ZFP69B: variants seen among roughly 807,000 people sequenced by gnomAD.
The protein encoded by ZFP69B is zinc finger protein 69 homolog B.
Under a neutral mutation model 19.7 loss-of-function variants are expected in ZFP69B, and 20 were observed. That is an observed-to-expected ratio of 1.02 (90% CI 0.71 to 1.48). The LOEUF (loss-of-function observed/expected upper bound fraction) is 1.48. ZFP69B is among the 40% of genes most tolerant of loss of function. The pLI is 0.00. For synonymous variants in ZFP69B, 220 were observed against 222.7 expected, an observed-to-expected ratio of 0.99 and a Z score of 0.11; for missense variants, 583 against 632.6, an observed-to-expected ratio of 0.92 and a Z score of 0.84.
chr1:40,452,041 C>T (rs1021072393), intron 1 of ZFP69B, among the ~76,000 whole-genome samples: 3 of 152,132 alleles, frequency 2.0e-5, no homozygotes, highest in Admixed American at 6.6e-5. Flanking sequence ...ACGAGAATCG[C>T]TTGAACTAGG....
intron 1 of ZFP69B, among the ~76,000 whole-genome samples, chr1:40,452,707 T>C (rs1645196662): frequency 1.3e-5 from 2 of 152,222 alleles, no homozygotes; most frequent in Non-Finnish European, 2.9e-5. Context: ...ATTTAGATGA[T>C]ACTATGGAAT....
intron 4 of ZFP69B, among the ~76,000 whole-genome samples, chr1:40,459,550 G>A (rs1645263460): frequency 6.6e-6 from 1 of 152,074 alleles, no homozygotes; most frequent in Admixed American, 6.5e-5. Flanking sequence ...CATTTCTACT[G>A]TTCATCTGTG....
chr1:40,453,427 G>A (rs1645203920), intron 1 of ZFP69B, among the ~76,000 whole-genome samples: 1 of 147,178 alleles, frequency 6.8e-6, no homozygotes. Flanking sequence ...ATTATAAAAA[G>A]CAACCTGAGA....
At chr1:40,456,839 G>A in intron 2 of ZFP69B, 106 bp from the exon 3 acceptor site, 3 of 1,414,902 alleles carry the variant, frequency 2.1e-6, no homozygotes, top group Admixed American at 2.1e-5. Context: ...TAAATGATTA[G>A]CAAGACAGTA....
rs756518972 is a variant in ZFP69B, at chr1:40,457,399, AT to A, written c.397del (p.Trp133GlyfsTer2). 1.2e-6 allele frequency: 2 copies of A among 1,614,190 alleles called. No homozygotes were observed. Among genetic ancestry groups the A allele is most frequent in the Non-Finnish European group, 1.7e-6 (2 of 1,180,024 alleles). On this transcript the variant is annotated frameshift_variant, in exon 4 of 5. Coordinates refer to ENST00000361584, the MANE Select transcript of ZFP69B (RefSeq NM_023070.3). LOFTEE classifies it low-confidence loss of function (END_TRUNC). The part of the protein sequence containing the change: ...ISQLEKGEEP[W>X]LMERDISGVP... ...CCCAGTTGGAGAAAGGAGAAGAACC[AT>A]GGCTGATGGAGAGAGATATTTCAGG...
intron 4 of ZFP69B, among the ~76,000 whole-genome samples, chr1:40,457,973 C>T (rs562681268): frequency 2.0e-5 from 3 of 152,312 alleles, no homozygotes; most frequent in East Asian, 3.9e-4. Flanking sequence ...CCACAGAATT[C>T]GTTCTTAGCA....
At chr1:40,457,193 AC>A in intron 3 of ZFP69B, 122 bp downstream of exon 3, 1 of 1,524,206 alleles carries the variant, frequency 6.6e-7, no homozygotes, top group Non-Finnish European at 9.0e-7. Context: ...CCTTCTGAAC[AC>A]CCAGTCAGGA....
At chr1:40,451,865 A>G (rs1189540162) in intron 1 of ZFP69B, among the ~76,000 whole-genome samples, 1 of 152,098 alleles carries the variant, frequency 6.6e-6, no homozygotes, top group African/African-American at 2.4e-5. Context: ...AATCCCAGCA[A>G]TTTGGGAAGC....
chr1:40,450,952 G>C lies in ZFP69B; in HGVS notation c.-10G>C, dbSNP rs766634396. On this transcript the variant is annotated 5_prime_UTR_variant, in exon 1 of 5. Transcript: ENST00000361584. Reference sequence around the variant, plus strand: ...ACAGAGGGTCCTCAGAAAGGAGTGCGGACGCCGTCATGCTGCAGCAGCTCC... The same window carrying C: ...ACAGAGGGTCCTCAGAAAGGAGTGCCGACGCCGTCATGCTGCAGCAGCTCC... 1.9e-6 allele frequency: 3 copies of C among 1,543,500 alleles called. No homozygotes were observed. In the South Asian group the frequency reaches 3.6e-5, roughly 19 times the overall value.
In ZFP69B at chr1:40,462,900, C is replaced by G; in HGVS notation, c.916C>G (p.Pro306Ala). The G allele has an allele frequency of 1.2e-6, 2 of 1,614,148 alleles. No individual in the cohort carries two copies. The highest frequency in any genetic ancestry group is 1.7e-6 in the Non-Finnish European group (2 of 1,180,028). The change falls in exon 5 of 5, where the codon CCT (proline) becomes GCT (alanine). Residue 306 changes from proline (P) to alanine (A), a missense_variant. Pro to Ala is a conservative substitution (Grantham distance 27, BLOSUM62 -1). Transcript: ENST00000361584. ...CATGAGAATTCATACCGGGGAGAAACCTTTCAGATGTAAGGAATGTGGAAA... is the reference window on the plus strand; with the variant it reads ...CATGAGAATTCATACCGGGGAGAAAGCTTTCAGATGTAAGGAATGTGGAAA... ...EHMRIHTGEK[P>A]FRCKECGKAF...
chr1:40,458,788 A>G (rs945748859), intron 4 of ZFP69B, among the ~76,000 whole-genome samples: 24 of 152,102 alleles, frequency 1.6e-4, no homozygotes, highest in Admixed American at 1.6e-3. Context: ...CTAAAGTGCT[A>G]GGATTACAGG....
At chr1:40,454,839 T>A (rs947620387) in intron 2 of ZFP69B, among the ~76,000 whole-genome samples, 6 of 152,192 alleles carry the variant, frequency 3.9e-5, no homozygotes, top group African/African-American at 1.4e-4. Flanking sequence ...ACAAATACAT[T>A]GTGCTGAGGC....
At position 40,450,500 on chromosome 1, in the gene ZFP69B, A is replaced by T. The variant is rs1645174985; in HGVS notation, c.-462A>T. 6.6e-6 allele frequency among the ~76,000 whole-genome samples: 1 copy of T among 152,046 alleles called. No homozygotes were observed. The highest frequency in any genetic ancestry group is 1.5e-5 in the Non-Finnish European group (1 of 67,998). On this transcript the variant is annotated 5_prime_UTR_variant, in exon 1 of 5. Transcript: ENST00000361584. ...TGTATTCGTCTCTTTGTGCTTCCTGACATGTGCGCGGTGCTTTGAATTTTG... is the reference window on the plus strand; with the variant it reads ...TGTATTCGTCTCTTTGTGCTTCCTGTCATGTGCGCGGTGCTTTGAATTTTG...
At chr1:40,459,300 A>G (rs543867272) in intron 4 of ZFP69B, among the ~76,000 whole-genome samples, 4 of 152,334 alleles carry the variant, frequency 2.6e-5, no homozygotes, top group African/African-American at 4.8e-5. Context: ...TTATACATCC[A>G]TATGAACCCT....
At chr1:40,457,881 A>C (rs1419525130) in intron 4 of ZFP69B, among the ~76,000 whole-genome samples, 1 of 152,170 alleles carries the variant, frequency 6.6e-6, no homozygotes, top group Non-Finnish European at 1.5e-5. Flanking sequence ...TTGTGATCAC[A>C]GTTTCAGTTG....
intron 4 of ZFP69B, 101 bp downstream of exon 4, chr1:40,457,540 A>G (rs577262950): frequency 5.3e-5 from 48 of 902,326 alleles, no homozygotes; most frequent in Non-Finnish European, 7.8e-5. Flanking sequence ...TGGATGGTAC[A>G]TTCAAGAAAG....
At chr1:40,451,167 G>A in intron 1 of ZFP69B, 79 bp downstream of exon 1, 1 of 1,413,180 alleles carries the variant, frequency 7.1e-7, no homozygotes, top group Non-Finnish European at 9.3e-7. Context: ...TTGAGTGGAA[G>A]CATCTCTTAG....
chr1:40,462,386 G>A, intron 4 of ZFP69B, 35 bp from the exon 5 acceptor site: 1 of 1,534,866 alleles, frequency 6.5e-7, no homozygotes, highest in Non-Finnish European at 8.7e-7. Context: ...TAAAGTGCAA[G>A]GAATATGGAT....
intron 2 of ZFP69B, 119 bp downstream of exon 2, chr1:40,454,407 AT>A: frequency 2.7e-6 from 2 of 732,016 alleles, no homozygotes; most frequent in Non-Finnish European, 4.0e-6. Context: ...TCTTTTTTTC[AT>A]TATTTTTTGA....
Sources: gnomAD v4.1 joint callset for allele counts (sites outside exome capture counted in the v4.1 genomes callset) on GRCh38, gnomAD v4.1.1 for gene constraint, MANE v1.5 for transcripts, NCBI Gene and HGNC (gene_info 2026-07-23, HGNC 2026-07-21) for gene names.